The following DOCK9 variants were observed in gnomAD, a reference collection of about 807,000 sequenced individuals.
DOCK9 encodes the protein dedicator of cytokinesis 9, also known as dedicator of cytokinesis protein 9.
A neutral mutation model predicts 263.3 loss-of-function variants in DOCK9; 89 were observed. That is an observed-to-expected ratio of 0.34 (90% CI 0.28 to 0.40). The LOEUF is 0.40. DOCK9 is among the 10% of genes least tolerant of loss of function. DOCK9 has a pLI of 1.00. For synonymous variants in DOCK9, 976 were observed against 973.1 expected (o/e 1.00, Z -0.06); for missense variants, 2,140 against 2,603.4 (o/e 0.82, Z 3.87).
chr13:98,806,652 T>C (rs1367894291), intron 48 of DOCK9, among the ~76,000 whole-genome samples: 1 of 152,130 alleles, frequency 6.6e-6, no homozygotes, highest in Middle Eastern at 3.2e-3. Flanking sequence ...CTCACGCCTA[T>C]AATCCTAGCA....
At chr13:98,895,090 G>C (rs1321035718) in intron 15 of DOCK9, among the ~76,000 whole-genome samples, 1 of 149,606 alleles carries the variant, frequency 6.7e-6, no homozygotes, top group African/African-American at 2.5e-5. Context: ...AGGTTGCAGT[G>C]AGCTGAGATG....
chr13:98,849,891 A>G (rs1402024028), intron 36 of DOCK9, among the ~76,000 whole-genome samples, 156 bp downstream of exon 36: 2 of 152,196 alleles, frequency 1.3e-5, no homozygotes, highest in African/African-American at 4.8e-5. Flanking sequence ...AAGCCCTGAA[A>G]ATATGTTTTA....
intron 27 of DOCK9, 82 bp from the exon 28 acceptor site, chr13:98,868,459 A>C: frequency 6.9e-7 from 1 of 1,448,080 alleles, no homozygotes; most frequent in Non-Finnish European, 9.2e-7. Flanking sequence ...CCCTGAGTCC[A>C]TCTTAAAAAA....
chr13:98,889,663 C>A (rs1325945920), intron 15 of DOCK9, among the ~76,000 whole-genome samples: 1 of 152,218 alleles, frequency 6.6e-6, no homozygotes, highest in Non-Finnish European at 1.5e-5. Context: ...ATTCACCTCC[C>A]TGAAACTTCT....
chr13:98,849,112 AT>A (rs34509819), intron 36 of DOCK9, among the ~76,000 whole-genome samples: 33 of 151,590 alleles, frequency 2.2e-4, no homozygotes, highest in Admixed American at 5.3e-4. Flanking sequence ...ATCTAACAAC[AT>A]TTTTTTTTAA....
At chr13:98,950,421 G>A in intron 2 of DOCK9, 1 of 755,644 alleles carries the variant, frequency 1.3e-6, no homozygotes, top group Non-Finnish European at 2.2e-6. Flanking sequence ...GAACCAAAGG[G>A]ATTTTTCTTT....
At chr13:98,896,323 C>T (rs2047419807) in intron 15 of DOCK9, among the ~76,000 whole-genome samples, 1 of 152,156 alleles carries the variant, frequency 6.6e-6, no homozygotes, top group Admixed American at 6.5e-5. Flanking sequence ...TGATTAGGAA[C>T]ACGTCTCTGT....
rs1246424389 is a variant in DOCK9, at chr13:98,855,966, G to A, written c.3763C>T (p.Leu1255Phe). Reference sequence around the variant, plus strand: ...CTGTTACCCGAATCTGTGCTTATGAGAGATCCTCTCGAATCAGCATTTCTC... The same window carrying A: ...CTGTTACCCGAATCTGTGCTTATGAAAGATCCTCTCGAATCAGCATTTCTC... ...SVRNADSRGS[L>F]ISTDSGNSLP... The change falls in exon 34 of 53, where the codon CTC (leucine) becomes TTC (phenylalanine). Residue 1255 changes from leucine (L) to phenylalanine (F), a missense_variant. Physicochemically the swap from Leu to Phe is conservative, Grantham distance 22. This residue lies in a region of DOCK9 where 1,521 missense variants were observed against 1,741.7 expected (regional missense o/e 0.87). Coordinates refer to ENST00000682017, the MANE Select transcript of DOCK9 (RefSeq NM_001366683.2). The A allele has an allele frequency of 6.2e-7, 1 of 1,613,970 alleles. No individual in the cohort carries two copies. Among genetic ancestry groups the A allele is most frequent in the East Asian group, 2.2e-5 (1 of 44,876 alleles).
At chr13:98,979,675 A>G (rs1360074782), upstream of DOCK9, among the ~76,000 whole-genome samples, 1 of 152,164 alleles carries the variant, frequency 6.6e-6, no homozygotes, top group East Asian at 1.9e-4. Flanking sequence ...GGGTTAATAG[A>G]AGTCCCCCTA....
At chr13:98,973,305 A>AGT (rs2059919145) in intron 1 of DOCK9, among the ~76,000 whole-genome samples, 1 of 152,168 alleles carries the variant, frequency 6.6e-6, no homozygotes, top group African/African-American at 2.4e-5. Context: ...TACCTCACTT[A>AGT]GTCTGCTATT....
intron 39 of DOCK9, chr13:98,833,161 T>C (rs1299308839): frequency 6.9e-6 from 1 of 145,576 alleles, no homozygotes; most frequent in Non-Finnish European, 1.5e-5. Flanking sequence ...GATCTAATTC[T>C]CAACCATGAG....
At chr13:98,841,690 C>T (rs1312878708) in intron 38 of DOCK9, among the ~76,000 whole-genome samples, 4 of 148,934 alleles carry the variant, frequency 2.7e-5, no homozygotes, top group Non-Finnish European at 5.9e-5. Flanking sequence ...GGCATGATCT[C>T]GGCTCACTGT....
At chr13:98,797,584 G>A (rs1381086551) in intron 50 of DOCK9, 95 bp from the exon 51 acceptor site, 13 of 1,061,364 alleles carry the variant, frequency 1.2e-5, no homozygotes, top group South Asian at 5.6e-5. Flanking sequence ...AAGCCCGTTC[G>A]CGTGAGCTAC....
chr13:99,069,925 T>C (rs1302428735), intron 1 of DOCK9, among the ~76,000 whole-genome samples: 1 of 152,224 alleles, frequency 6.6e-6, no homozygotes, highest in East Asian at 1.9e-4. Context: ...AGTCACTTGA[T>C]TTCTCTGGTC....
Position 98,977,962 on chromosome 13 carries a change from C to A in DOCK9, c.-53G>T. 1 of 1,530,900 alleles carries A rather than the reference C, an allele frequency of 6.5e-7. No homozygotes were observed. Among genetic ancestry groups the A allele is most frequent in the Non-Finnish European group, 8.8e-7 (1 of 1,137,420 alleles). 94.8% of individuals were successfully genotyped at this position (1,530,900 alleles called of 1,614,324 possible). A position where few individuals can be genotyped will look rare whatever the true frequency, so the allele number is the denominator to read the frequency against. ...TCTGCAACTGGAACAGCTGCGAGTC[C>A]CTGGCCGTGCAAGGCACAGGCATGC... On this transcript the variant is annotated 5_prime_UTR_variant, in exon 1 of 53. Coordinates refer to ENST00000682017, the MANE Select transcript of DOCK9 (RefSeq NM_001366683.2).
intron 9 of DOCK9, among the ~76,000 whole-genome samples, chr13:98,905,616 G>A (rs975717791): frequency 6.6e-6 from 1 of 151,992 alleles, no homozygotes; most frequent in African/African-American, 2.4e-5. Flanking sequence ...AAAGAAATGA[G>A]TCTGGGATTT....
At chr13:98,885,953 C>T in intron 19 of DOCK9, 122 bp from the exon 20 acceptor site, 1 of 867,796 alleles carries the variant, frequency 1.2e-6, no homozygotes. Context: ...CGGATATTAA[C>T]ATTTGCACTC....
intron 32 of DOCK9, among the ~76,000 whole-genome samples, chr13:98,861,321 C>T (rs1433952155): frequency 6.6e-6 from 1 of 152,128 alleles, no homozygotes; most frequent in East Asian, 1.9e-4. Context: ...CACTGCATCA[C>T]TGTTGGGGTG....
chr13:98,888,110 T>A, intron 18 of DOCK9, 48 bp downstream of exon 18: 1 of 1,370,770 alleles, frequency 7.3e-7, no homozygotes, highest in Non-Finnish European at 1.0e-6. Context: ...ATTTTGAAAA[T>A]GGAAAAATCA....
Sources: gnomAD v4.1 joint callset for allele counts (sites outside exome capture counted in the v4.1 genomes callset) on GRCh38, gnomAD v4.1.1 for gene constraint, gnomAD v4.1.1 regional missense constraint, MANE v1.5 for transcripts, NCBI Gene and HGNC (gene_info 2026-07-23, HGNC 2026-07-21) for gene names.